The following TRPV1 variants were observed in gnomAD, a reference collection of about 807,000 sequenced individuals.
TRPV1 encodes the protein OTRPC1.
TRPV1 carries 82 observed loss-of-function variants against 82.3 expected under a neutral mutation model. The ratio of observed to expected loss-of-function variants is 1.00; its 90% confidence interval spans 0.83 to 1.20. The LOEUF (loss-of-function observed/expected upper bound fraction) is 1.20, where lower values mean the gene tolerates loss of function less well. Ranked by LOEUF, TRPV1 falls within the 50% of genes most tolerant of loss-of-function variation. The probability of loss-of-function intolerance (pLI) is 0.00; values close to 1 mark genes in which losing one functional copy is unlikely to be tolerated. For synonymous variants in TRPV1, 515 were observed against 467.7 expected, an observed-to-expected ratio of 1.10 and a Z score of -1.30; for missense variants, 1,067 against 1,096.8, an observed-to-expected ratio of 0.97 and a Z score of 0.38.
intron 7 of TRPV1, 116 bp from the exon 8 acceptor site, chr17:3,588,483 C>A: frequency 1.7e-6 from 2 of 1,194,114 alleles, no homozygotes; most frequent in Non-Finnish European, 1.2e-6. Flanking sequence ...AAGCCCCAGG[C>A]GAGTCCCCAC....
At position 3,591,983 on chromosome 17, in the gene TRPV1, T is replaced by C. The variant is rs573264377; in HGVS notation, c.284+84A>G. The C allele has an allele frequency of 2.2e-5, 34 of 1,512,306 alleles. No individual in the cohort carries two copies. In the African/African-American group the frequency reaches 4.3e-4, roughly 19 times the overall value. 93.7% of individuals were successfully genotyped at this position (1,512,306 alleles called of 1,614,324 possible). On this transcript the variant is annotated intron_variant, in intron 3 of 16. Coordinates refer to ENST00000572705, the MANE Select transcript of TRPV1 (RefSeq NM_080704.4). ...TCCAGCCCCCTGGCTTTGTGACATT[T>C]AGCCCAGAAGCCAGACCACCCTGTG...
At position 3,573,847 on chromosome 17, in the gene TRPV1, CTGT is replaced by C. The variant is rs1464321661; in HGVS notation, c.1886_1888del (p.Asn629del). 2 of 1,611,550 alleles carry C rather than the reference CTGT, an allele frequency of 1.2e-6. No individual in the cohort carries two copies. Among genetic ancestry groups the C allele is most frequent in the Non-Finnish European group, 1.7e-6 (2 of 1,178,754 alleles). ...CAGCTCCAGGCAGGTGGAGTACAGGCTGTTGTAGGAGCTATCGGGGGGCCTGCA... is the reference window on the plus strand; with the variant it reads ...CAGCTCCAGGCAGGTGGAGTACAGGCTGTAGGAGCTATCGGGGGGCCTGCA... On this transcript the variant is annotated inframe_deletion, in exon 14 of 17. Transcript: ENST00000572705.
chr17:3,590,316 G>C lies in TRPV1; in HGVS notation c.681C>G (p.Asp227Glu). ...LVTLLVENGADVQAAAHGDFF... is the reference protein window; with the variant it reads ...LVTLLVENGAEVQAAAHGDFF... ...AGTCCCCATGGGCCGCAGCCTGGAC[G>C]TCTGCTCCGTTCTCCACCAGGAGGG... The change falls in exon 6 of 17, where the codon GAC becomes GAG. Residue 227 changes from aspartate (D) to glutamate (E), a missense_variant. By Grantham distance (45) the Asp-to-Glu change is conservative (BLOSUM62 2). Transcript: ENST00000572705. 6.2e-7 allele frequency: 1 copy of C among 1,613,978 alleles called. No homozygotes were observed. Among genetic ancestry groups the C allele is most frequent in the Non-Finnish European group, 8.5e-7 (1 of 1,179,898 alleles).
rs202235499 is a variant in TRPV1 at position 3,591,329 on chromosome 17, G to C, written c.309C>G (p.Ala103=). ...GARLLSQDSV[A]ASTEKTLRLY... The stretch of plus-strand genomic sequence containing the variant: ...GCCTGAGGGTCTTCTCGGTGCTGGC[G>C]GCGACAGAGTCCTGGGACAGCAGCC... The change falls in exon 4 of 17, where the codon GCC becomes GCG. Residue 103 remains alanine, a synonymous_variant. Coordinates refer to ENST00000572705, the MANE Select transcript of TRPV1 (RefSeq NM_080704.4). 2 of 1,594,236 alleles carry C rather than the reference G, an allele frequency of 1.3e-6. No homozygotes were observed. The highest frequency in any genetic ancestry group is 1.1e-5 in the South Asian group (1 of 89,396).
In TRPV1 at chr17:3,590,292, G is replaced by A. The variant is rs2075140712; in HGVS notation, c.705C>T (p.Asp235=). The stretch of plus-strand genomic sequence containing the variant: ...GCCGCCCTTTGGTTTTCTTAAAGAA[G>A]TCCCCATGGGCCGCAGCCTGGACGT... ...GADVQAAAHG[D]FFKKTKGRPG... Residue 235 remains aspartate (D), a synonymous_variant, in exon 6 of 17, where the codon GAC becomes GAT. Transcript: ENST00000572705. 2 of 1,613,984 alleles carry A rather than the reference G, an allele frequency of 1.2e-6. No homozygotes were observed. Among genetic ancestry groups the A allele is most frequent in the Non-Finnish European group, 1.7e-6 (2 of 1,179,872 alleles).
rs767409416 is a variant in TRPV1, at chr17:3,577,627, T to C, written c.1684A>G (p.Met562Val). The C allele has an allele frequency of 8.2e-6, 13 of 1,583,398 alleles. No individual in the cohort carries two copies. The South Asian group carries it at 1.2e-4, about 14-fold the overall frequency. ...MLYYTRGFQQMGIYAVMIEKM... is the reference protein window; with the variant it reads ...MLYYTRGFQQVGIYAVMIEKM... ...TCTATCATGACGGCATAGATGCCCA[T>C]CTGCTGGAAACCGCGGGTGTAGTAG... Residue 562 changes from methionine (M) to valine (V), a missense_variant, in exon 12 of 17, where the codon ATG becomes GTG. Physicochemically the swap from Met to Val is conservative, Grantham distance 21. Transcript: ENST00000572705.
At chr17:3,596,744 C>T (rs7211511) in intron 2 of TRPV1, among the ~76,000 whole-genome samples, 24,040 of 152,112 alleles carry the variant, frequency 0.16, 6,167 homozygotes, top group African/African-American at 0.54. Flanking sequence ...ACCTTTGAGG[C>T]AGCCACTCTT....
At chr17:3,576,653 G>GA (rs35781190) in intron 13 of TRPV1, among the ~76,000 whole-genome samples, 4,785 of 41,514 alleles carry the variant, frequency 0.12, 529 homozygotes, top group Middle Eastern at 0.17. Context: ...CTCTGTATGA[G>GA]AAAAAAAAAA....
intron 2 of TRPV1, among the ~76,000 whole-genome samples, chr17:3,599,632 C>CTTTTTTTTTTTTTTTTTTTT (rs34701684): frequency 1.4e-5 from 2 of 141,568 alleles, no homozygotes; most frequent in African/African-American, 5.3e-5. Flanking sequence ...TTTTTCTTTT[C>CTTTTTTTTTTTTTTTTTTTT]TTTTTTTTTT....
intron 13 of TRPV1, 115 bp downstream of exon 13, chr17:3,577,011 C>G: frequency 9.4e-7 from 1 of 1,068,554 alleles, no homozygotes; most frequent in Non-Finnish European, 1.4e-6. Flanking sequence ...TCTCAGTCAC[C>G]TGCAGACATG....
chr17:3,570,843 A>T (rs1266498885), intron 16 of TRPV1, among the ~76,000 whole-genome samples: 2 of 152,040 alleles, frequency 1.3e-5, no homozygotes, highest in African/African-American at 4.8e-5. Context: ...CCTCCCGAGT[A>T]GCTGGGATTA....
intron 13 of TRPV1, among the ~76,000 whole-genome samples, chr17:3,576,668 A>AAAAAAAAAAAAAAAATATATATATAT: frequency 7.8e-5 from 3 of 38,390 alleles, no homozygotes; most frequent in Non-Finnish European, 1.1e-4. Flanking sequence ...AAAAAAAAAA[A>AAAAAAAAAAAAAAAATATATATATAT]ATATATATAT....
In TRPV1 at chr17:3,577,560, G is replaced by A. The variant is rs202157219; in HGVS notation, c.1713+38C>T. ...CATCTCACATGACCACGAGGTAAGC[G>A]GGCTCTGAGGAGACCCACTGGGGCC... On this transcript the variant is annotated intron_variant, in intron 12 of 16. Coordinates refer to ENST00000572705, the MANE Select transcript of TRPV1 (RefSeq NM_080704.4). 1.3e-5 allele frequency: 20 copies of A among 1,552,894 alleles called. No homozygotes were observed. The African/African-American group carries it at 1.6e-4, about 13-fold the overall frequency.
chr17:3,570,015 G>A lies in TRPV1; in HGVS notation c.2347+1509C>T, dbSNP rs373246550. Among the ~76,000 whole-genome samples, 456 of 135,718 alleles carry A rather than the reference G, an allele frequency of 3.4e-3. 1 individual carries two copies. The highest frequency in any genetic ancestry group is 0.013 in the African/African-American group (430 of 32,772). 89.0% of individuals were successfully genotyped at this position (135,718 alleles called of 152,430 possible). A position where few individuals can be genotyped will look rare whatever the true frequency, so the allele number is the denominator to read the frequency against. On this transcript the variant is annotated intron_variant, in intron 16 of 16. Transcript: ENST00000572705. ...AGGGAGGAGGGGCCAAGCGGTCAGG[G>A]AGGAGGGGCCAAGCGGTCAGGAAGG...
At chr17:3,569,940 GGGGT>G (rs1318666326) in intron 16 of TRPV1, among the ~76,000 whole-genome samples, 59 of 150,974 alleles carry the variant, frequency 3.9e-4, no homozygotes, top group African/African-American at 1.2e-3. Flanking sequence ...GAGGGGCCAA[GGGGT>G]CAGGGAGGAG....
Position 3,572,110 on chromosome 17 carries a change from C to T in TRPV1, c.2231+12G>A. ...CTCCCAAGCCCTGATTCAGGTGGAG[C>T]CTGGGCATTACCTGAAGCACCACCG... On this transcript the variant is annotated intron_variant, in intron 15 of 16. Coordinates refer to ENST00000572705, the MANE Select transcript of TRPV1 (RefSeq NM_080704.4). 1 of 1,611,850 alleles carries T rather than the reference C, an allele frequency of 6.2e-7. No homozygotes were observed. The highest frequency in any genetic ancestry group is 8.5e-7 in the Non-Finnish European group (1 of 1,178,510).
intron 16 of TRPV1, among the ~76,000 whole-genome samples, chr17:3,570,916 G>A (rs1292547937): frequency 2.0e-5 from 3 of 151,968 alleles, no homozygotes; most frequent in Non-Finnish European, 2.9e-5. Context: ...GGGGTTTCAC[G>A]ATGTTGGCCA....
In TRPV1 at chr17:3,566,751, C is replaced by T; in HGVS notation, c.*64G>A. On this transcript the variant is annotated 3_prime_UTR_variant, in exon 17 of 17. Coordinates refer to ENST00000572705, the MANE Select transcript of TRPV1 (RefSeq NM_080704.4). ...TGACAGAGCACTGGTGTTCCCTCAGCAGCCCCCCGTGGCAACGGGGTCTCC... is the reference window on the plus strand; with the variant it reads ...TGACAGAGCACTGGTGTTCCCTCAGTAGCCCCCCGTGGCAACGGGGTCTCC... 6.4e-7 allele frequency: 1 copy of T among 1,565,152 alleles called. No individual in the cohort carries two copies. The highest frequency in any genetic ancestry group is 1.8e-5 in the Admixed American group (1 of 56,612).
At chr17:3,576,299 C>T (rs1484356857) in intron 13 of TRPV1, among the ~76,000 whole-genome samples, 1 of 151,988 alleles carries the variant, frequency 6.6e-6, no homozygotes, top group African/African-American at 2.4e-5. Context: ...GGGTGGATCA[C>T]CTCAGGTCAG....
Sources: gnomAD v4.1 joint callset for allele counts (sites outside exome capture counted in the v4.1 genomes callset) on GRCh38, gnomAD v4.1.1 for gene constraint, MANE v1.5 for transcripts, NCBI Gene and HGNC (gene_info 2026-07-23, HGNC 2026-07-21) for gene names.